The following HTT variants were observed in gnomAD, a reference collection of about 807,000 sequenced individuals.
The protein encoded by HTT is huntingtin.
In HTT, 104 loss-of-function variants were observed where a neutral mutation model predicts 362.3. The ratio of observed to expected loss-of-function variants is 0.29; its 90% CI spans 0.24 to 0.34. HTT has a LOEUF of 0.34. Among genes scored for constraint, HTT ranks in the 10% least tolerant of loss-of-function variants. HTT has a pLI of 1.00. For synonymous variants in HTT, 1,577 were observed against 1,548.7 expected (o/e 1.02, Z -0.43); for missense variants, 3,301 against 3,928.6 (o/e 0.84, Z 4.27).
At chr4:3,227,975 C>A (rs1249422328) in intron 57 of HTT, among the ~76,000 whole-genome samples, 2 of 152,176 alleles carry the variant, frequency 1.3e-5, no homozygotes, top group Admixed American at 1.3e-4. Context: ...ACAGACTCCT[C>A]GCCCACTCCC....
intron 28 of HTT, among the ~76,000 whole-genome samples, chr4:3,157,671 A>T (rs1717216176): frequency 6.6e-6 from 1 of 152,188 alleles, no homozygotes; most frequent in South Asian, 2.1e-4. Flanking sequence ...GTTATCAGCT[A>T]GGGAAAGTTT....
chr4:3,206,461 C>G lies in HTT; in HGVS notation c.5719-35C>G. On this transcript the variant is annotated intron_variant, in intron 42 of 66. Coordinates refer to ENST00000355072, the MANE Select transcript of HTT (RefSeq NM_001388492.1). The surrounding 1 kb of genome is among the most constrained non-coding windows in gnomAD (Gnocchi z 4.6). The stretch of plus-strand genomic sequence containing the variant: ...TTAATACCTGGTCTCTTCTTGTGTA[C>G]TTGAAAATGAATCTCTCATCATATT... 6.3e-7 allele frequency: 1 copy of G among 1,576,226 alleles called. No homozygotes were observed. The highest frequency in any genetic ancestry group is 8.7e-7 in the Non-Finnish European group (1 of 1,146,070).
At position 3,235,605 on chromosome 4, in the gene HTT, C is replaced by G; in HGVS notation, c.8612C>G (p.Pro2871Arg). ...VMLSGSEESTPSIIYHCALRG... is the reference protein window; with the variant it reads ...VMLSGSEESTRSIIYHCALRG... ...CTGTCTGGAAGTGAGGAGTCCACCCCCTCCATCATTTACCACTGTGCCCTC... is the reference window on the plus strand; with the variant it reads ...CTGTCTGGAAGTGAGGAGTCCACCCGCTCCATCATTTACCACTGTGCCCTC... Residue 2871 changes from proline (P) to arginine (R), a missense_variant, in exon 63 of 67, where the codon CCC becomes CGC. Physicochemically the swap from Pro to Arg is moderately radical, Grantham distance 103 (BLOSUM62 -2). Coordinates refer to ENST00000355072, the MANE Select transcript of HTT (RefSeq NM_001388492.1). 2 of 1,613,936 alleles carry G rather than the reference C, an allele frequency of 1.2e-6. No homozygotes were observed. The highest frequency in any genetic ancestry group is 8.5e-7 in the Non-Finnish European group (1 of 1,180,026).
intron 35 of HTT, among the ~76,000 whole-genome samples, chr4:3,179,254 G>A (rs980581134): frequency 6.6e-6 from 1 of 152,184 alleles, no homozygotes; most frequent in Non-Finnish European, 1.5e-5. Flanking sequence ...AAGCCAGTTA[G>A]TGTTTGCCAC....
At chr4:3,135,687 G>T (rs1560563532) in intron 19 of HTT, among the ~76,000 whole-genome samples, 1 of 152,142 alleles carries the variant, frequency 6.6e-6, no homozygotes, top group Non-Finnish European at 1.5e-5. Flanking sequence ...TGAAGAAAAA[G>T]AAAAACAGTT....
intron 1 of HTT, among the ~76,000 whole-genome samples, chr4:3,081,657 C>G (rs1028164941): frequency 6.9e-6 from 1 of 144,294 alleles, no homozygotes; most frequent in Admixed American, 7.3e-5. Flanking sequence ...CTCCCAGGTT[C>G]AAGACATTCT....
At chr4:3,234,640 G>A (rs1364895534) in intron 61 of HTT, among the ~76,000 whole-genome samples, 1 of 152,236 alleles carries the variant, frequency 6.6e-6, no homozygotes, top group African/African-American at 2.4e-5. Context: ...AGAGCTTGTG[G>A]CATCCAGGTA....
intron 52 of HTT, among the ~76,000 whole-genome samples, chr4:3,219,035 G>T (rs192421017): frequency 6.6e-6 from 1 of 152,208 alleles, no homozygotes. Context: ...GGATTCTGCC[G>T]CAGGGAATGA....
intron 45 of HTT, among the ~76,000 whole-genome samples, chr4:3,207,562 C>T (rs911433429): frequency 1.3e-5 from 2 of 152,222 alleles, no homozygotes; most frequent in Non-Finnish European, 2.9e-5. Flanking sequence ...GGCAGGATCA[C>T]GTCTGTGACG....
intron 53 of HTT, among the ~76,000 whole-genome samples, chr4:3,221,511 A>T (rs1435538942): frequency 6.6e-6 from 1 of 152,024 alleles, no homozygotes; most frequent in Non-Finnish European, 1.5e-5. Flanking sequence ...GTAAATTGTT[A>T]TATTTGTCTG....
rs991195488 is a variant in HTT at position 3,222,376 on chromosome 4, T to C, written c.7370-11T>C. The C allele has an allele frequency of 8.1e-6, 13 of 1,611,208 alleles. No individual in the cohort carries two copies. Among genetic ancestry groups the C allele is most frequent in the African/African-American group, 1.3e-5 (1 of 75,006 alleles). On this transcript the variant is annotated splice_polypyrimidine_tract_variant and intron_variant, in intron 53 of 66. Coordinates refer to ENST00000355072, the MANE Select transcript of HTT (RefSeq NM_001388492.1). ...GGTTGACACTCTCTCATGTAACATT[T>C]ATATTTCTAGGCTGGACCAGTCGTA... is the stretch of plus-strand genomic sequence containing the variant.
rs759983703 is a variant in HTT at position 3,199,777 on chromosome 4, G to A, written c.5414G>A (p.Ser1805Asn). The stretch of plus-strand genomic sequence containing the variant: ...GCAGCTGCCACTAGGCTGTTCCGCA[G>A]TGATGGCTGTGGCGGCAGTTTCTAC... The part of the protein sequence containing the change: ...ITAAATRLFR[S>N]DGCGGSFYTL... The change falls in exon 41 of 67, where the codon AGT (serine) becomes AAT (asparagine). Residue 1805 changes from serine (S) to asparagine (N), a missense_variant. By Grantham distance (46) the Ser-to-Asn change is conservative (BLOSUM62 1). Transcript: ENST00000355072. 6.2e-7 allele frequency: 1 copy of A among 1,614,214 alleles called. No individual in the cohort carries two copies. Among genetic ancestry groups the A allele is most frequent in the East Asian group, 2.2e-5 (1 of 44,888 alleles).
chr4:3,114,388 G>A (rs1296868934), intron 6 of HTT, among the ~76,000 whole-genome samples: 1 of 152,232 alleles, frequency 6.6e-6, no homozygotes, highest in Admixed American at 6.5e-5. Context: ...CCAGATTTTG[G>A]GGGGCCTGCT....
chr4:3,209,163 G>C (rs373098279), intron 46 of HTT, among the ~76,000 whole-genome samples: 82 of 152,300 alleles, frequency 5.4e-4, no homozygotes, highest in African/African-American at 1.9e-3. Flanking sequence ...ATAGTCGGCC[G>C]TGGCCTGCAG....
chr4:3,133,989 G>C (rs1431993111), intron 18 of HTT, among the ~76,000 whole-genome samples: 1 of 152,152 alleles, frequency 6.6e-6, no homozygotes, highest in Non-Finnish European at 1.5e-5. Flanking sequence ...GTTCTCTCGT[G>C]CTGTGGAGTA....
intron 48 of HTT, 37 bp downstream of exon 48, chr4:3,212,179 C>T: frequency 3.4e-6 from 5 of 1,465,804 alleles, no homozygotes; most frequent in Non-Finnish European, 4.7e-6. Flanking sequence ...TTTTAAAAAG[C>T]ATTCCAGGGC....
intron 36 of HTT, 76 bp downstream of exon 36, chr4:3,180,727 A>G (rs1169080656): frequency 2.3e-6 from 3 of 1,318,668 alleles, no homozygotes; most frequent in Non-Finnish European, 3.0e-6. Flanking sequence ...CCATGTGGTA[A>G]CGCTCACTGT....
chr4:3,235,398 G>A lies in HTT; in HGVS notation c.8571G>A (p.Gln2857=). Reference sequence around the variant, plus strand: ...CGGAATTTTCAGCATCAATAATACAGGTGAGTGGGCCCTGGCTGTCTTCCT... The same window carrying A: ...CGGAATTTTCAGCATCAATAATACAAGTGAGTGGGCCCTGGCTGTCTTCCT... The part of the protein sequence containing the change: ...VGPEFSASII[Q]MCGVMLSGSE... The change falls in exon 62 of 67, where the codon CAG becomes CAA. Residue 2857 remains glutamine (Q), a splice_region_variant and synonymous_variant. Coordinates refer to ENST00000355072, the MANE Select transcript of HTT (RefSeq NM_001388492.1). 2 of 1,589,944 alleles carry A rather than the reference G, an allele frequency of 1.3e-6. No individual in the cohort carries two copies. Among genetic ancestry groups the A allele is most frequent in the Non-Finnish European group, 1.7e-6 (2 of 1,157,808 alleles).
chr4:3,103,297 T>C (rs1714254440), intron 3 of HTT, among the ~76,000 whole-genome samples: 1 of 146,400 alleles, frequency 6.8e-6, no homozygotes, highest in Non-Finnish European at 1.5e-5. Context: ...TGATCTTGGC[T>C]CACTGCAACC....
Sources: gnomAD v4.1 joint callset for allele counts (sites outside exome capture counted in the v4.1 genomes callset) on GRCh38, gnomAD v4.1.1 for gene constraint, Gnocchi (gnomAD v3.1) non-coding constraint, MANE v1.5 for transcripts, NCBI Gene and HGNC (gene_info 2026-07-23, HGNC 2026-07-21) for gene names.